NR1H4: variants seen among roughly 807,000 people sequenced by gnomAD.
NR1H4 encodes nuclear receptor subfamily 1 group H member 4.
Under a neutral mutation model 58.5 loss-of-function variants are expected in NR1H4, and 23 were observed. The observed-to-expected ratio is 0.39, with a 90% CI of 0.28 to 0.56. NR1H4 has a LOEUF of 0.56. Ranked by LOEUF, NR1H4 falls within the 20% of genes least tolerant of loss-of-function variation. NR1H4 has a pLI of 0.58. For missense variants in NR1H4, 487 were observed against 576.9 expected, an observed-to-expected ratio of 0.84 and a Z score of 1.60; for synonymous variants, 214 against 198.0, an observed-to-expected ratio of 1.08 and a Z score of -0.68.
chr12:100,489,225 C>T (rs76770291), intron 1 of NR1H4, among the ~76,000 whole-genome samples: 3,726 of 152,226 alleles, frequency 0.024, 62 homozygotes, highest in Non-Finnish European at 0.035. Flanking sequence ...GGTTTATATC[C>T]CCAAGGTAAT....
chr12:100,552,250 C>T (rs1008086847), intron 9 of NR1H4, among the ~76,000 whole-genome samples: 15 of 152,106 alleles, frequency 9.9e-5, no homozygotes, highest in Non-Finnish European at 1.6e-4. Context: ...CTAATTAGGC[C>T]GGATAGTTTT....
At chr12:100,520,449 G>A (rs1194170090) in intron 4 of NR1H4, among the ~76,000 whole-genome samples, 1 of 152,066 alleles carries the variant, frequency 6.6e-6, no homozygotes, top group South Asian at 2.1e-4. Context: ...GAACTGGCCC[G>A]CCGGTTGCTT....
At chr12:100,538,685 T>G (rs575012858) in intron 8 of NR1H4, among the ~76,000 whole-genome samples, 7 of 152,226 alleles carry the variant, frequency 4.6e-5, no homozygotes, top group Non-Finnish European at 1.0e-4. Context: ...TAATATTAAA[T>G]TATAGAAGAT....
At chr12:100,506,631 C>T (rs565712566) in intron 3 of NR1H4, among the ~76,000 whole-genome samples, 10 of 152,286 alleles carry the variant, frequency 6.6e-5, no homozygotes, top group African/African-American at 2.4e-4. Context: ...GCCTCAGCCT[C>T]CCGAGTGGCT....
chr12:100,557,982 C>T (rs926744397), intron 9 of NR1H4, among the ~76,000 whole-genome samples: 20 of 152,122 alleles, frequency 1.3e-4, no homozygotes, highest in African/African-American at 4.8e-4. Flanking sequence ...CACGATTCTC[C>T]ATCCAATGGC....
intron 1 of NR1H4, among the ~76,000 whole-genome samples, chr12:100,475,991 C>T (rs866809432): frequency 1.3e-5 from 2 of 152,188 alleles, no homozygotes; most frequent in Non-Finnish European, 2.9e-5. Flanking sequence ...GCCTCGGCTT[C>T]CCAGAGTGCT....
At chr12:100,510,671 G>A (rs1418190671) in intron 3 of NR1H4, 107 bp from the exon 4 acceptor site, 1 of 950,980 alleles carries the variant, frequency 1.1e-6, no homozygotes, top group Non-Finnish European at 1.6e-6. Context: ...GTAGTTAAAT[G>A]TTTCAATCTT....
intron 3 of NR1H4, among the ~76,000 whole-genome samples, chr12:100,496,787 A>G (rs1467290843): frequency 6.6e-6 from 1 of 152,168 alleles, no homozygotes; most frequent in African/African-American, 2.4e-5. Context: ...ACTTTAAGGC[A>G]TTTAGAAGGT....
At chr12:100,550,268 A>C (rs1004392967) in intron 9 of NR1H4, among the ~76,000 whole-genome samples, 1 of 152,186 alleles carries the variant, frequency 6.6e-6, no homozygotes, top group Admixed American at 6.5e-5. Context: ...CTAGGGGTTT[A>C]AGTTGGAATT....
chr12:100,547,347 T>A (rs1955094761), intron 9 of NR1H4, among the ~76,000 whole-genome samples: 1 of 152,064 alleles, frequency 6.6e-6, no homozygotes, highest in Non-Finnish European at 1.5e-5. Flanking sequence ...TCCCCAGGGT[T>A]TTCTGAGAGT....
chr12:100,490,554 C>T (rs961909709), intron 1 of NR1H4, among the ~76,000 whole-genome samples: 15 of 152,050 alleles, frequency 9.9e-5, no homozygotes. Flanking sequence ...TTTCCTATTC[C>T]CAAGATAGGA....
intron 4 of NR1H4, among the ~76,000 whole-genome samples, chr12:100,511,633 A>G (rs540957227): frequency 6.6e-6 from 1 of 152,218 alleles, no homozygotes; most frequent in Non-Finnish European, 1.5e-5. Context: ...TTACAAAAAA[A>G]TATTTTAACT....
intron 4 of NR1H4, among the ~76,000 whole-genome samples, chr12:100,513,793 A>G (rs1954186822): frequency 6.7e-6 from 1 of 148,380 alleles, no homozygotes; most frequent in South Asian, 2.2e-4. Flanking sequence ...AGACTCCGTC[A>G]AAGACAGAAA....
In NR1H4 at chr12:100,534,983, G is replaced by A. The variant is rs748013412; in HGVS notation, c.692G>A (p.Arg231His). ...DQTVNEDSEG[R>H]DLRQVTSTTK... is the part of the protein sequence containing the mutation. Reference sequence around the variant, plus strand: ...ACCGTGAATGAAGACAGTGAAGGTCGTGACTTGCGACAAGTGACCTCGACA... The same window carrying A: ...ACCGTGAATGAAGACAGTGAAGGTCATGACTTGCGACAAGTGACCTCGACA... Residue 231 changes from arginine (R) to histidine (H), a missense_variant, in exon 6 of 11, where the codon CGT becomes CAT. Arg to His is a conservative substitution (Grantham distance 29, BLOSUM62 0). Coordinates refer to ENST00000392986, the MANE Select transcript of NR1H4 (RefSeq NM_001206979.2). 9.9e-6 allele frequency: 16 copies of A among 1,614,110 alleles called. No homozygotes were observed. The African/African-American group carries it at 1.5e-4, about 15-fold the overall frequency.
intron 3 of NR1H4, among the ~76,000 whole-genome samples, chr12:100,496,450 G>T (rs145808690): frequency 6.6e-6 from 1 of 151,998 alleles, no homozygotes; most frequent in African/African-American, 2.4e-5. Flanking sequence ...CAAGTGCAAC[G>T]GCCCAAAGTC....
At chr12:100,478,387 C>G (rs1034798155) in intron 1 of NR1H4, among the ~76,000 whole-genome samples, 1 of 152,074 alleles carries the variant, frequency 6.6e-6, no homozygotes, top group Non-Finnish European at 1.5e-5. Context: ...GAAAATGAAG[C>G]AAACCCTTCT....
chr12:100,503,507 G>C, intron 3 of NR1H4: 1 of 1,576,874 alleles, frequency 6.3e-7, no homozygotes, highest in Non-Finnish European at 8.6e-7. Flanking sequence ...GTAGGACACT[G>C]TTCACAGGTG....
At chr12:100,507,962 C>A (rs1954008615) in intron 3 of NR1H4, among the ~76,000 whole-genome samples, 1 of 151,764 alleles carries the variant, frequency 6.6e-6, no homozygotes, top group South Asian at 2.1e-4. Flanking sequence ...TAGTCATATA[C>A]TTATGGAGAC....
At chr12:100,516,066 T>G (rs1439553449) in intron 4 of NR1H4, among the ~76,000 whole-genome samples, 2 of 152,218 alleles carry the variant, frequency 1.3e-5, no homozygotes, top group Non-Finnish European at 2.9e-5. Context: ...AAAATCTTCC[T>G]AAGGCCACTC....
Sources: allele counts gnomAD v4.1 joint callset (sites outside exome capture counted in the v4.1 genomes callset), GRCh38; gene constraint gnomAD v4.1.1; transcripts MANE v1.5; gene names NCBI Gene and HGNC (gene_info 2026-07-23, HGNC 2026-07-21).